Variants in CADM1 observed in about 807,000 individuals in gnomAD.
CADM1 encodes the protein cell adhesion molecule 1.
In CADM1, 15 loss-of-function variants were observed where a neutral mutation model predicts 53.1. The ratio of observed to expected loss-of-function variants is 0.28; its 90% CI spans 0.19 to 0.44. CADM1 has a LOEUF of 0.44. Ranked by LOEUF, CADM1 falls within the 20% of genes least tolerant of loss-of-function variation. CADM1 has a pLI of 1.00. For missense variants in CADM1, 434 were observed against 611.3 expected (o/e 0.71, Z 3.06); for synonymous variants, 281 against 243.0 (o/e 1.16, Z -1.45).
chr11:115,417,177 TC>T (rs1947618608), intron 1 of CADM1, among the ~76,000 whole-genome samples: 1 of 152,176 alleles, frequency 6.6e-6, no homozygotes, highest in Non-Finnish European at 1.5e-5. Context: ...CTACACAATT[TC>T]CCACAGTAGC....
intron 1 of CADM1, chr11:115,445,862 G>C (rs1158495954): frequency 1.9e-5 from 8 of 414,426 alleles, no homozygotes; most frequent in Non-Finnish European, 2.9e-5. Flanking sequence ...AAACGAGAGA[G>C]AGAGGTAATA....
chr11:115,250,669 T>C (rs952375976), intron 1 of CADM1, among the ~76,000 whole-genome samples: 1 of 152,250 alleles, frequency 6.6e-6, no homozygotes, highest in African/African-American at 2.4e-5. Flanking sequence ...ATGATAACAA[T>C]AGCTAATGTA....
intron 10 of CADM1, among the ~76,000 whole-genome samples, chr11:115,189,708 G>A (rs1229641183): frequency 6.6e-6 from 1 of 152,026 alleles, no homozygotes; most frequent in Non-Finnish European, 1.5e-5. Context: ...CTATGCATTG[G>A]GATTTGGAAA....
chr11:115,372,430 G>A (rs146848010), intron 1 of CADM1, among the ~76,000 whole-genome samples: 1 of 152,222 alleles, frequency 6.6e-6, no homozygotes, highest in African/African-American at 2.4e-5. Context: ...CTGAGCAGTT[G>A]CTCCCCCACT....
intron 6 of CADM1, among the ~76,000 whole-genome samples, chr11:115,217,585 C>T (rs1297319259): frequency 2.0e-5 from 3 of 151,998 alleles, no homozygotes; most frequent in Admixed American, 1.3e-4. Flanking sequence ...GTAGGGACAC[C>T]AATAATTTAT....
chr11:115,338,704 A>C (rs900311745), intron 1 of CADM1, among the ~76,000 whole-genome samples: 2 of 151,956 alleles, frequency 1.3e-5, no homozygotes, highest in Non-Finnish European at 2.9e-5. Flanking sequence ...ACTCTCCTTC[A>C]GTATTGGGCA....
intron 1 of CADM1, among the ~76,000 whole-genome samples, chr11:115,260,344 T>C (rs1942934223): frequency 6.6e-6 from 1 of 152,246 alleles, no homozygotes; most frequent in Non-Finnish European, 1.5e-5. Context: ...TAAGAAATGG[T>C]TCCCTTCCGT....
At chr11:115,409,110 A>C (rs1947390734) in intron 1 of CADM1, among the ~76,000 whole-genome samples, 1 of 152,218 alleles carries the variant, frequency 6.6e-6, no homozygotes, top group Non-Finnish European at 1.5e-5. Context: ...GAGAAGGCAT[A>C]AAGGAATCCA....
intron 1 of CADM1, among the ~76,000 whole-genome samples, chr11:115,463,528 A>G (rs867546318): frequency 6.6e-6 from 1 of 152,232 alleles, no homozygotes; most frequent in African/African-American, 2.4e-5. Context: ...ATATATATGT[A>G]CATTCCTGTT....
At chr11:115,357,702 A>G (rs1209446978) in intron 1 of CADM1, among the ~76,000 whole-genome samples, 2 of 152,250 alleles carry the variant, frequency 1.3e-5, no homozygotes, top group Non-Finnish European at 2.9e-5. Context: ...CACCCAGCAT[A>G]TGGCAAGTGC....
chr11:115,406,125 C>T (rs576302284), intron 1 of CADM1, among the ~76,000 whole-genome samples: 1 of 152,240 alleles, frequency 6.6e-6, no homozygotes, highest in African/African-American at 2.4e-5. Context: ...TTCTCCTTGA[C>T]TTTATATTGG....
At chr11:115,453,070 T>C (rs912378392) in intron 1 of CADM1, among the ~76,000 whole-genome samples, 2 of 152,168 alleles carry the variant, frequency 1.3e-5, no homozygotes, top group Non-Finnish European at 2.9e-5. Context: ...AGAAACATTC[T>C]GGCCTCATAG....
chr11:115,459,359 T>A (rs1948746619), intron 1 of CADM1, among the ~76,000 whole-genome samples: 1 of 152,024 alleles, frequency 6.6e-6, no homozygotes, highest in Non-Finnish European at 1.5e-5. Context: ...CTTGATAGAG[T>A]TTTATACTTT....
intron 1 of CADM1, among the ~76,000 whole-genome samples, chr11:115,431,580 T>C (rs1299927791): frequency 6.6e-6 from 1 of 152,118 alleles, no homozygotes; most frequent in African/African-American, 2.4e-5. Flanking sequence ...CCCCAGTCCT[T>C]CACACAACCT....
chr11:115,432,590 G>C (rs1948084535), intron 1 of CADM1, among the ~76,000 whole-genome samples: 2 of 152,108 alleles, frequency 1.3e-5, no homozygotes, highest in African/African-American at 4.8e-5. Context: ...TATAAAAGTA[G>C]TAGCTCTGCC....
chr11:115,499,120 A>G (rs759153974), intron 1 of CADM1, among the ~76,000 whole-genome samples: 29 of 152,348 alleles, frequency 1.9e-4, no homozygotes, highest in Non-Finnish European at 4.1e-4. Flanking sequence ...AACAAAAAAA[A>G]TTCTCAGCTT....
intron 5 of CADM1, among the ~76,000 whole-genome samples, chr11:115,222,522 C>A (rs73572149): frequency 0.013 from 1,959 of 152,260 alleles, 30 homozygotes; most frequent in African/African-American, 0.036. Context: ...ATAATACATT[C>A]ATGAATAATT....
At chr11:115,488,644 A>G (rs568746733) in intron 1 of CADM1, among the ~76,000 whole-genome samples, 1 of 152,228 alleles carries the variant, frequency 6.6e-6, no homozygotes, top group Non-Finnish European at 1.5e-5. Context: ...CTGCCTACAC[A>G]TGAAATCTCT....
chr11:115,357,557 T>G (rs1945909844), intron 1 of CADM1, among the ~76,000 whole-genome samples: 1 of 152,176 alleles, frequency 6.6e-6, no homozygotes, highest in African/African-American at 2.4e-5. Context: ...TGTCCACTTA[T>G]TAGCTAGTGG....
Sources: gnomAD v4.1 joint callset for allele counts (sites outside exome capture counted in the v4.1 genomes callset) on GRCh38, gnomAD v4.1.1 for gene constraint, MANE v1.5 for transcripts, NCBI Gene and HGNC (gene_info 2026-07-23, HGNC 2026-07-21) for gene names.